PARD3B: variants seen among roughly 807,000 people sequenced by gnomAD.
The protein encoded by PARD3B is par-3 family cell polarity regulator beta.
Under a neutral mutation model 130.2 loss-of-function variants are expected in PARD3B, and 103 were observed. The observed-to-expected ratio is 0.79, with a 90% CI of 0.67 to 0.93. The LOEUF is 0.93. Among genes scored for constraint, PARD3B ranks in the 40% least tolerant of loss-of-function variants. The pLI, the probability that PARD3B is intolerant of heterozygous loss-of-function variation, is 0.00. For missense variants in PARD3B, 1,609 were observed against 1,499.2 expected (o/e 1.07, Z -1.21); for synonymous variants, 583 against 553.2 (o/e 1.05, Z -0.76).
intron 2 of PARD3B, among the ~76,000 whole-genome samples, chr2:204,754,868 T>C (rs1479845230): frequency 6.6e-6 from 1 of 152,108 alleles, no homozygotes; most frequent in African/African-American, 2.4e-5. Context: ...GTTCAAAATA[T>C]AATGGCTTTA....
intron 2 of PARD3B, among the ~76,000 whole-genome samples, chr2:204,962,557 C>G (rs990999873): frequency 6.6e-6 from 1 of 152,112 alleles, no homozygotes; most frequent in Non-Finnish European, 1.5e-5. Flanking sequence ...TGTTGAGGGA[C>G]TAGAACAGTG....
intron 2 of PARD3B, among the ~76,000 whole-genome samples, chr2:204,850,277 A>C (rs2044654075): frequency 6.6e-6 from 1 of 152,200 alleles, no homozygotes; most frequent in Admixed American, 6.5e-5. Context: ...TCTACTAAAT[A>C]AACAAATGGG....
chr2:205,474,949 C>T (rs566132189), intron 20 of PARD3B, among the ~76,000 whole-genome samples: 13 of 152,132 alleles, frequency 8.5e-5, no homozygotes, highest in Non-Finnish European at 1.5e-4. Flanking sequence ...TAGAAGTTTT[C>T]AGCTCGCCTC....
At chr2:204,827,712 A>G (rs1422337510) in intron 2 of PARD3B, among the ~76,000 whole-genome samples, 1 of 152,244 alleles carries the variant, frequency 6.6e-6, no homozygotes, top group Non-Finnish European at 1.5e-5. Context: ...CACTTCAAAA[A>G]ATGCATGTTA....
At chr2:205,069,008 A>G (rs570890228) in intron 4 of PARD3B, among the ~76,000 whole-genome samples, 1 of 151,916 alleles carries the variant, frequency 6.6e-6, no homozygotes, top group South Asian at 2.1e-4. Context: ...ATTTACCTGA[A>G]GCTTGTTCAT....
At position 205,195,664 on chromosome 2, in the gene PARD3B, A is replaced by G. The variant is rs1559008; in HGVS notation, c.2140+2344A>G. On this transcript the variant is annotated intron_variant, in intron 15 of 22. Transcript: ENST00000406610. ...AAGAGATTAATTTATTTGCTCAAAA[A>G]GTAGGTGACTATGTTTATAGGAATA... 7.5e-3 allele frequency among the ~76,000 whole-genome samples: 1,140 copies of G among 152,314 alleles called. 16 individuals carry two copies. The highest frequency in any genetic ancestry group is 0.026 in the African/African-American group (1,069 of 41,562).
chr2:204,735,827 G>A (rs76151499), intron 2 of PARD3B, among the ~76,000 whole-genome samples: 4,218 of 152,040 alleles, frequency 0.028, 183 homozygotes, highest in African/African-American at 0.096. Context: ...GCTTTGATGC[G>A]GAAATAAAAG....
intron 4 of PARD3B, among the ~76,000 whole-genome samples, chr2:205,063,131 G>C (rs925147911): frequency 1.3e-5 from 2 of 151,978 alleles, no homozygotes; most frequent in Non-Finnish European, 2.9e-5. Context: ...AACTACCAAA[G>C]TAACCGTTTA....
intron 2 of PARD3B, among the ~76,000 whole-genome samples, chr2:204,794,030 C>T (rs185030229): frequency 2.6e-5 from 4 of 151,960 alleles, no homozygotes; most frequent in Admixed American, 2.6e-4. Context: ...GTGTTCAAAG[C>T]TAAAGGAATT....
intron 16 of PARD3B, among the ~76,000 whole-genome samples, chr2:205,264,115 A>C (rs1411490143): frequency 6.6e-6 from 1 of 150,768 alleles, no homozygotes; most frequent in Non-Finnish European, 1.5e-5. Context: ...TGCCTTTAAT[A>C]GAAAGAATCA....
Position 205,081,321 on chromosome 2 carries a change from G to A in PARD3B, c.505-23105G>A, listed in dbSNP as rs145232471. 4.4e-3 allele frequency among the ~76,000 whole-genome samples: 674 copies of A among 151,804 alleles called. 3 individuals carry two copies. Among genetic ancestry groups the A allele is most frequent in the African/African-American group, 0.015 (642 of 41,436 alleles). ...TGGCATAATCTAGAGTTACATTTGT[G>A]TTTTAAAAATATATTTATACATAGT... On this transcript the variant is annotated intron_variant, in intron 4 of 22. Coordinates refer to ENST00000406610, the MANE Select transcript of PARD3B (RefSeq NM_001302769.2).
At chr2:204,726,547 G>A (rs914711465) in intron 2 of PARD3B, among the ~76,000 whole-genome samples, 9 of 152,124 alleles carry the variant, frequency 5.9e-5, no homozygotes, top group Admixed American at 5.2e-4. Context: ...AGCCCCAACC[G>A]CATCTCTAAC....
At chr2:205,206,484 G>A (rs141752527) in intron 15 of PARD3B, among the ~76,000 whole-genome samples, 16,114 of 148,798 alleles carry the variant, frequency 0.11, 1,713 homozygotes, top group East Asian at 0.41. Context: ...TTCTGTTCTT[G>A]CGATAGTTTA....
chr2:205,275,769 G>A (rs1256006104), intron 16 of PARD3B, among the ~76,000 whole-genome samples: 27 of 149,816 alleles, frequency 1.8e-4, no homozygotes, highest in Admixed American at 1.3e-3. Context: ...CCTGGGAGGC[G>A]GAGGTTGCAG....
chr2:205,506,194 A>G (rs4449114), intron 21 of PARD3B, among the ~76,000 whole-genome samples: 81,441 of 151,438 alleles, frequency 0.54, 22,433 homozygotes, highest in South Asian at 0.62. Context: ...TTAGCTGGGC[A>G]TGGTGGTGCA....
chr2:204,553,675 TA>T (rs1559152475), intron 1 of PARD3B, among the ~76,000 whole-genome samples: 1 of 119,600 alleles, frequency 8.4e-6, no homozygotes, highest in African/African-American at 3.9e-5. Context: ...TATATATATA[TA>T]TATATATATA....
intron 3 of PARD3B, among the ~76,000 whole-genome samples, chr2:204,971,319 A>G (rs531300765): frequency 6.6e-6 from 1 of 152,320 alleles, no homozygotes; most frequent in East Asian, 1.9e-4. Context: ...ACACACTCAC[A>G]CCACACACAT....
intron 2 of PARD3B, among the ~76,000 whole-genome samples, chr2:204,813,301 G>A (rs189363845): frequency 6.6e-6 from 1 of 152,110 alleles, no homozygotes; most frequent in Admixed American, 6.5e-5. Context: ...CTCTTTTTAT[G>A]TACTTCTTTG....
At chr2:205,349,587 TATTA>T (rs1462612830) in intron 18 of PARD3B, among the ~76,000 whole-genome samples, 3 of 152,162 alleles carry the variant, frequency 2.0e-5, no homozygotes, top group African/African-American at 7.2e-5. Flanking sequence ...AAGTAGTGGT[TATTA>T]ATTATTTATT....
Sources: allele counts gnomAD v4.1 joint callset (sites outside exome capture counted in the v4.1 genomes callset), GRCh38; gene constraint gnomAD v4.1.1; transcripts MANE v1.5; gene names NCBI Gene and HGNC (gene_info 2026-07-23, HGNC 2026-07-21).